Variants in CIROZ observed in about 807,000 individuals in gnomAD.
The protein encoded by CIROZ is ciliated left-right organizer ZP-N domains-containing protein.
the CIROZ span, chr1:10,958,857 C>A: frequency 8.7e-7 from 1 of 1,154,224 alleles, no homozygotes. Context: ...CAGCAGGAGG[C>A]CGGTGAGAGA....
the CIROZ span, among the ~76,000 whole-genome samples, chr1:10,970,700 C>T: frequency 7.9e-5 from 12 of 152,034 alleles, no homozygotes; most frequent in Non-Finnish European, 1.8e-4. Context: ...AGGTCTAAGG[C>T]GGGGCCTGAG....
chr1:10,969,191 A>G, the CIROZ span, among the ~76,000 whole-genome samples: 3 of 151,874 alleles, frequency 2.0e-5, no homozygotes, highest in Non-Finnish European at 4.4e-5. Context: ...TCCCTCCTCA[A>G]TATCTCTTTT....
chr1:10,961,219 C>A, the CIROZ span, among the ~76,000 whole-genome samples: 3 of 152,276 alleles, frequency 2.0e-5, no homozygotes, highest in South Asian at 6.2e-4. Flanking sequence ...AGGCTCAGTG[C>A]AAAGGGAGCA....
At chr1:10,980,823 C>T in the CIROZ span, among the ~76,000 whole-genome samples, 38 of 152,324 alleles carry the variant, frequency 2.5e-4, no homozygotes, top group Non-Finnish European at 5.4e-4. Context: ...TGGGGGGAGA[C>T]ATGATGCTCC....
At chr1:10,968,829 G>A in the CIROZ span, among the ~76,000 whole-genome samples, 3 of 152,150 alleles carry the variant, frequency 2.0e-5, no homozygotes, top group Admixed American at 6.5e-5. Flanking sequence ...ATGATTTTAC[G>A]CTTAAAACTT....
At chr1:10,951,551 TAAAA>T in the CIROZ span, among the ~76,000 whole-genome samples, 2 of 125,626 alleles carry the variant, frequency 1.6e-5, no homozygotes, top group Admixed American at 8.2e-5. Context: ...TGTCTCGGGG[TAAAA>T]AAAAAAAAAA....
At chr1:10,949,504 C>G in the CIROZ span, 8 of 1,161,876 alleles carry the variant, frequency 6.9e-6, no homozygotes, top group Non-Finnish European at 8.7e-6. Flanking sequence ...GAGTGGGGCT[C>G]TCTTTGGAAG....
At chr1:10,960,521 G>T in the CIROZ span, among the ~76,000 whole-genome samples, 1 of 152,246 alleles carries the variant, frequency 6.6e-6, no homozygotes, top group African/African-American at 2.4e-5. The surrounding 1 kb of genome is among the most constrained non-coding windows in gnomAD (Gnocchi z 4.6). Context: ...ACATTCCGCA[G>T]GAGCTCGGGC....
At chr1:10,980,310 C>T in the CIROZ span, among the ~76,000 whole-genome samples, 1 of 152,198 alleles carries the variant, frequency 6.6e-6, no homozygotes, top group East Asian at 1.9e-4. Flanking sequence ...GAGGAGCTTG[C>T]GGCTGCCTGG....
At chr1:10,979,136 C>T in the CIROZ span, among the ~76,000 whole-genome samples, 4 of 152,034 alleles carry the variant, frequency 2.6e-5, no homozygotes, top group South Asian at 2.1e-4. Context: ...GGATTACAGG[C>T]GTGTGCCACC....
the CIROZ span, among the ~76,000 whole-genome samples, chr1:10,968,024 G>C: frequency 4.4e-3 from 670 of 151,490 alleles, 7 homozygotes; most frequent in African/African-American, 0.016. Context: ...TCGGCGCGGT[G>C]GGGGGGCACC....
At chr1:10,980,060 G>A in the CIROZ span, among the ~76,000 whole-genome samples, 5,349 of 152,264 alleles carry the variant, frequency 0.035, 142 homozygotes, top group Non-Finnish European at 0.057. Context: ...AAAAAAGAAA[G>A]AAAGAAAGTT....
chr1:10,958,725 C>A, the CIROZ span: 1 of 1,614,108 alleles, frequency 6.2e-7, no homozygotes, highest in Non-Finnish European at 8.5e-7. Flanking sequence ...TGTCTATTGT[C>A]CCTCCACAGG....
chr1:10,956,435 T>C, the CIROZ span, among the ~76,000 whole-genome samples: 1 of 151,952 alleles, frequency 6.6e-6, no homozygotes, highest in Non-Finnish European at 1.5e-5. Flanking sequence ...CTCCCAAGAA[T>C]TTGCAGACCT....
At chr1:10,958,024 C>A in the CIROZ span, among the ~76,000 whole-genome samples, 2 of 152,222 alleles carry the variant, frequency 1.3e-5, no homozygotes, top group African/African-American at 4.8e-5. Context: ...CACAGTTACC[C>A]CTAACAGCAA....
the CIROZ span, among the ~76,000 whole-genome samples, chr1:10,965,416 C>T: frequency 6.6e-6 from 1 of 152,098 alleles, no homozygotes; most frequent in African/African-American, 2.4e-5. Context: ...TTGCAGGACC[C>T]CTGGAGTGAA....
the CIROZ span, among the ~76,000 whole-genome samples, chr1:10,980,397 C>T: frequency 3.3e-5 from 5 of 152,352 alleles, no homozygotes; most frequent in African/African-American, 7.2e-5. Context: ...GCCGGGTACC[C>T]GCCCTGGGCT....
the CIROZ span, among the ~76,000 whole-genome samples, chr1:10,962,931 G>A: frequency 6.6e-6 from 1 of 152,086 alleles, no homozygotes; most frequent in East Asian, 1.9e-4. Flanking sequence ...ACCAGCCTGG[G>A]CAACACAGTG....
At chr1:10,978,441 G>A in the CIROZ span, among the ~76,000 whole-genome samples, 1 of 151,652 alleles carries the variant, frequency 6.6e-6, no homozygotes, top group South Asian at 2.1e-4. Flanking sequence ...GGGCATGGTG[G>A]CTTATGCCTA....
Sources: gnomAD v4.1 joint callset for allele counts (sites outside exome capture counted in the v4.1 genomes callset) on GRCh38, gnomAD v4.1.1 for gene constraint, Gnocchi (gnomAD v3.1) non-coding constraint, MANE v1.5 for transcripts, NCBI Gene and HGNC (gene_info 2026-07-23, HGNC 2026-07-21) for gene names.